The following GLIS3 variants were observed in gnomAD, a reference collection of about 807,000 sequenced individuals.
The protein encoded by GLIS3 is zinc finger protein GLIS3.
In GLIS3, 53 loss-of-function variants were observed where a neutral mutation model predicts 78.6. The observed-to-expected ratio is 0.67, with a 90% CI of 0.54 to 0.85. GLIS3 has a LOEUF of 0.85. GLIS3 is among the 40% of genes least tolerant of loss of function. The pLI is 0.00. For synonymous variants in GLIS3, 684 were observed against 509.9 expected, an observed-to-expected ratio of 1.34 and a Z score of -4.60; for missense variants, 1,703 against 1,231.1, an observed-to-expected ratio of 1.38 and a Z score of -5.74.
chr9:4,200,328 T>C lies in GLIS3; in HGVS notation c.389-74387A>G, dbSNP rs572869465. Among the ~76,000 whole-genome samples the C allele has an allele frequency of 2.0e-5, 3 of 150,406 alleles. No homozygotes were observed. The East Asian group carries it at 5.9e-4, about 30-fold the overall frequency. ...TCAGAGCAGAACTGAAAAAAAAAATTGAGACCCAGAAATCCATAAAGAATC... is the reference window on the plus strand; with the variant it reads ...TCAGAGCAGAACTGAAAAAAAAAATCGAGACCCAGAAATCCATAAAGAATC... On this transcript the variant is annotated intron_variant, in intron 2 of 10. Transcript: ENST00000381971.
chr9:3,932,100 T>C (rs1199663584), intron 6 of GLIS3, among the ~76,000 whole-genome samples: 5 of 152,182 alleles, frequency 3.3e-5, no homozygotes, highest in East Asian at 3.9e-4. Flanking sequence ...ATTCCTATTA[T>C]ACAAGCCTTT....
At chr9:4,121,373 G>C (rs1472384116) in intron 3 of GLIS3, among the ~76,000 whole-genome samples, 1 of 152,020 alleles carries the variant, frequency 6.6e-6, no homozygotes, top group African/African-American at 2.4e-5. Flanking sequence ...TTAACAGAAG[G>C]GATCATTTTT....
At chr9:4,250,886 G>T (rs950547332) in intron 2 of GLIS3, among the ~76,000 whole-genome samples, 1 of 152,180 alleles carries the variant, frequency 6.6e-6, no homozygotes, top group Admixed American at 6.5e-5. Flanking sequence ...AGTCATTCAG[G>T]AGCAGGTTGT....
intron 7 of GLIS3, among the ~76,000 whole-genome samples, chr9:3,879,935 C>T (rs963777038): frequency 5.9e-5 from 9 of 152,178 alleles, no homozygotes; most frequent in African/African-American, 2.2e-4. Context: ...ACTTTTCAGT[C>T]ACAGGGGATG....
At chr9:4,275,221 G>A (rs1209246400) in intron 2 of GLIS3, among the ~76,000 whole-genome samples, 2 of 152,156 alleles carry the variant, frequency 1.3e-5, no homozygotes, top group African/African-American at 2.4e-5. Flanking sequence ...CGCTCTCCAT[G>A]TTCAGAGGGG....
At chr9:4,425,343 C>T in the GLIS3 span, among the ~76,000 whole-genome samples, 344 of 152,276 alleles carry the variant, frequency 2.3e-3, 6 homozygotes, top group South Asian at 0.045. Context: ...CCACTAATGA[C>T]CAAACCAGCC....
At chr9:4,033,775 G>A (rs952920935) in intron 4 of GLIS3, among the ~76,000 whole-genome samples, 1 of 146,910 alleles carries the variant, frequency 6.8e-6, no homozygotes, top group African/African-American at 2.5e-5. Context: ...TTAAATGAAT[G>A]CCAGCTATTT....
chr9:4,468,285 T>A, the GLIS3 span, among the ~76,000 whole-genome samples: 7 of 152,080 alleles, frequency 4.6e-5, no homozygotes, highest in Non-Finnish European at 1.5e-5. Context: ...ATACAGAGAA[T>A]GCCACAAAGA....
At chr9:4,130,311 A>G (rs1293989440) in intron 2 of GLIS3, among the ~76,000 whole-genome samples, 1 of 152,276 alleles carries the variant, frequency 6.6e-6, no homozygotes, top group African/African-American at 2.4e-5. Context: ...AGAAATTTGC[A>G]TAAGTAAAGA....
chr9:3,876,832 C>A (rs2130439326), intron 8 of GLIS3, among the ~76,000 whole-genome samples: 1 of 150,754 alleles, frequency 6.6e-6, no homozygotes, highest in East Asian at 2.0e-4. Context: ...ATAAAAAATA[C>A]AAAATGTTAA....
chr9:4,132,875 G>A (rs923823254), intron 2 of GLIS3, among the ~76,000 whole-genome samples: 1 of 152,210 alleles, frequency 6.6e-6, no homozygotes, highest in African/African-American at 2.4e-5. Flanking sequence ...CTTACTGGCT[G>A]TGTGATATCA....
chr9:4,075,411 C>CAAAAAAAAAAAAAAAAA (rs59194808), intron 4 of GLIS3, among the ~76,000 whole-genome samples: 12 of 118,096 alleles, frequency 1.0e-4, no homozygotes, highest in East Asian at 8.2e-4. Flanking sequence ...ACTAAAAATA[C>CAAAAAAAAAAAAAAAAA]AAAAAAAAAA....
At chr9:4,260,038 G>T (rs1226573082) in intron 2 of GLIS3, among the ~76,000 whole-genome samples, 1 of 152,152 alleles carries the variant, frequency 6.6e-6, no homozygotes, top group East Asian at 1.9e-4. Context: ...AAAGGAAAGA[G>T]AATTAGGTGG....
At chr9:3,908,748 A>G (rs1490905096) in intron 6 of GLIS3, among the ~76,000 whole-genome samples, 1 of 33,646 alleles carries the variant, frequency 3.0e-5, no homozygotes, top group Non-Finnish European at 5.4e-5. Flanking sequence ...TATTCTGTTA[A>G]TGTTTATAAG....
chr9:4,481,481 AAATT>A, the GLIS3 span, among the ~76,000 whole-genome samples: 69,470 of 149,558 alleles, frequency 0.46, 16,364 homozygotes, highest in East Asian at 0.64. Context: ...CCCCATCAAA[AAATT>A]AATTAATTAA....
chr9:4,375,364 G>T, the GLIS3 span, among the ~76,000 whole-genome samples: 2 of 152,090 alleles, frequency 1.3e-5, no homozygotes, highest in Non-Finnish European at 2.9e-5. Context: ...AGAGAAAAGG[G>T]ATATATCAAA....
At chr9:4,292,944 T>C (rs915125918) in intron 1 of GLIS3, among the ~76,000 whole-genome samples, 3 of 152,192 alleles carry the variant, frequency 2.0e-5, no homozygotes, top group African/African-American at 7.2e-5. Flanking sequence ...GCTGAATTAA[T>C]TACCTGAACT....
At chr9:4,397,661 GA>G in the GLIS3 span, among the ~76,000 whole-genome samples, 1 of 98,920 alleles carries the variant, frequency 1.0e-5, no homozygotes, top group African/African-American at 4.1e-5. Flanking sequence ...GAAAAGGAAG[GA>G]AGGAAGGGAG....
chr9:4,080,316 T>C (rs993165110), intron 4 of GLIS3, among the ~76,000 whole-genome samples: 1 of 152,156 alleles, frequency 6.6e-6, no homozygotes, highest in Non-Finnish European at 1.5e-5. Flanking sequence ...AGAGCTCAGA[T>C]TAGGGTGAGG....
Sources: gnomAD v4.1 joint callset for allele counts (sites outside exome capture counted in the v4.1 genomes callset) on GRCh38, gnomAD v4.1.1 for gene constraint, MANE v1.5 for transcripts, NCBI Gene and HGNC (gene_info 2026-07-23, HGNC 2026-07-21) for gene names.